Variants in SHANK2 observed in about 807,000 individuals in gnomAD.
The protein encoded by SHANK2 is SH3 and multiple ankyrin repeat domains 2.
In SHANK2, 43 loss-of-function variants were observed where a neutral mutation model predicts 133.7. The observed-to-expected ratio is 0.32, with a 90% CI of 0.25 to 0.41. SHANK2 has a LOEUF of 0.41. Among genes scored for constraint, SHANK2 ranks in the 10% least tolerant of loss-of-function variants. The pLI, the probability that SHANK2 is intolerant of heterozygous loss-of-function variation, is 1.00. For missense variants in SHANK2, 1,994 were observed against 2,235.8 expected (o/e 0.89, Z 2.18); for synonymous variants, 1,017 against 952.8 (o/e 1.07, Z -1.24).
At chr11:70,477,990 C>T (rs2058685509) in intron 25 of SHANK2, among the ~76,000 whole-genome samples, 1 of 152,120 alleles carries the variant, frequency 6.6e-6, no homozygotes, top group Admixed American at 6.6e-5. Flanking sequence ...CACCCAACTC[C>T]CCACCAGGTC....
intron 2 of SHANK2, among the ~76,000 whole-genome samples, chr11:71,220,851 G>A (rs886831976): frequency 3.8e-4 from 58 of 152,238 alleles, no homozygotes; most frequent in African/African-American, 1.3e-3. Context: ...GGTTGGTGGC[G>A]ATGGTTGCAC....
chr11:70,779,841 TC>T (rs1167128856), intron 14 of SHANK2, among the ~76,000 whole-genome samples: 1 of 152,136 alleles, frequency 6.6e-6, no homozygotes, highest in Admixed American at 6.5e-5. Flanking sequence ...CAAGCCATCT[TC>T]CCTACACCCC....
At chr11:70,538,712 G>A (rs563226791) in intron 17 of SHANK2, among the ~76,000 whole-genome samples, 11 of 152,320 alleles carry the variant, frequency 7.2e-5, no homozygotes, top group African/African-American at 2.6e-4. Flanking sequence ...TCCAGGGGGA[G>A]ATAAGATCCA....
intron 17 of SHANK2, among the ~76,000 whole-genome samples, chr11:70,622,278 G>A (rs1385659287): frequency 1.3e-5 from 2 of 152,080 alleles, no homozygotes; most frequent in African/African-American, 2.4e-5. Context: ...ACAGCTGCCC[G>A]GCAGTGTATG....
rs924169233 is a variant in SHANK2 at position 71,079,976 on chromosome 11, C to T, written c.913-4701G>A. 5.1e-4 allele frequency among the ~76,000 whole-genome samples: 77 copies of T among 150,144 alleles called. 4 individuals carry two copies. The South Asian group carries it at 0.015, about 29-fold the overall frequency. Reference sequence around the variant, plus strand: ...AGGAGGGAAAGAAGGAAAGAAAGAACGAACTCGCTTGACACAAAGATACTG... The same window carrying T: ...AGGAGGGAAAGAAGGAAAGAAAGAATGAACTCGCTTGACACAAAGATACTG... On this transcript the variant is annotated intron_variant, in intron 8 of 25. Coordinates refer to ENST00000601538, the MANE Select transcript of SHANK2 (RefSeq NM_012309.5).
chr11:70,495,685 GT>G (rs2058959607), intron 21 of SHANK2, among the ~76,000 whole-genome samples: 1 of 152,232 alleles, frequency 6.6e-6, no homozygotes, highest in Non-Finnish European at 1.5e-5. Context: ...TCTGACCCCA[GT>G]GGAGCGTGAG....
chr11:71,130,637 G>A (rs782137697), intron 3 of SHANK2, among the ~76,000 whole-genome samples: 4 of 152,140 alleles, frequency 2.6e-5, no homozygotes, highest in Non-Finnish European at 2.9e-5. Context: ...TTACACAGAT[G>A]GATTCAGGGA....
chr11:70,644,738 T>C (rs1304602099), intron 17 of SHANK2, among the ~76,000 whole-genome samples: 1 of 152,204 alleles, frequency 6.6e-6, no homozygotes, highest in African/African-American at 2.4e-5. Context: ...AACCCCACAG[T>C]GTCACTGAGT....
intron 11 of SHANK2, among the ~76,000 whole-genome samples, chr11:70,896,007 C>G (rs782650330): frequency 1.3e-5 from 2 of 152,008 alleles, no homozygotes; most frequent in African/African-American, 2.4e-5. Flanking sequence ...CAGTGTCACT[C>G]GAAGTCCATA....
intron 11 of SHANK2, among the ~76,000 whole-genome samples, chr11:70,889,550 G>A (rs1425455269): frequency 2.6e-5 from 4 of 152,234 alleles, no homozygotes; most frequent in Non-Finnish European, 2.9e-5. Context: ...CAAAGGAGGA[G>A]CTGGTGCTGG....
intron 17 of SHANK2, chr11:70,633,402 C>T (rs1034338400): frequency 6.6e-6 from 1 of 151,960 alleles, no homozygotes; most frequent in Non-Finnish European, 1.5e-5. Context: ...CCTACTTCAT[C>T]CCTCAACAAC....
chr11:70,548,087 G>A (rs1472545598), intron 17 of SHANK2, among the ~76,000 whole-genome samples: 9 of 152,250 alleles, frequency 5.9e-5, no homozygotes, highest in Non-Finnish European at 1.2e-4. Context: ...GTACTGGACA[G>A]ATGTGGGAGC....
intron 17 of SHANK2, among the ~76,000 whole-genome samples, chr11:70,603,019 T>C (rs943243135): frequency 6.6e-6 from 1 of 152,136 alleles, no homozygotes; most frequent in African/African-American, 2.4e-5. Context: ...AGGTGGCAAA[T>C]GTCCATTTAC....
intron 11 of SHANK2, among the ~76,000 whole-genome samples, chr11:70,823,599 C>A (rs147929410): frequency 0.13 from 5,388 of 39,912 alleles, 231 homozygotes; most frequent in Admixed American, 0.27. Context: ...GCGTTGGCAG[C>A]GTTCACGGGG....
chr11:71,119,492 A>G (rs1555101086), intron 3 of SHANK2, among the ~76,000 whole-genome samples: 1 of 151,368 alleles, frequency 6.6e-6, no homozygotes, highest in African/African-American at 2.4e-5. Flanking sequence ...AGGCAGGAGA[A>G]TCGCTTGAAT....
At chr11:70,499,131 A>G (rs573013511) in intron 21 of SHANK2, among the ~76,000 whole-genome samples, 12 of 152,312 alleles carry the variant, frequency 7.9e-5, no homozygotes, top group Admixed American at 2.0e-4. Context: ...TGCATCCACT[A>G]TGTGCCCCGC....
At chr11:71,230,069 C>T (rs1002671140) in intron 1 of SHANK2, among the ~76,000 whole-genome samples, 18 of 152,176 alleles carry the variant, frequency 1.2e-4, no homozygotes, top group African/African-American at 4.3e-4. Context: ...AGATGGATCA[C>T]TTGAGGTTAG....
chr11:70,893,107 G>T (rs1022942914), intron 11 of SHANK2, among the ~76,000 whole-genome samples: 1 of 152,226 alleles, frequency 6.6e-6, no homozygotes, highest in Non-Finnish European at 1.5e-5. Flanking sequence ...GACCACAACT[G>T]CATCTGGACG....
intron 22 of SHANK2, among the ~76,000 whole-genome samples, 191 bp from the exon 23 acceptor site, chr11:70,490,578 C>G (rs1466823264): frequency 2.6e-5 from 4 of 152,246 alleles, no homozygotes; most frequent in African/African-American, 9.6e-5. Flanking sequence ...TCTCTAGGTG[C>G]CTTTCCTATT....
Sources: gnomAD v4.1 joint callset for allele counts (sites outside exome capture counted in the v4.1 genomes callset) on GRCh38, gnomAD v4.1.1 for gene constraint, MANE v1.5 for transcripts, NCBI Gene and HGNC (gene_info 2026-07-23, HGNC 2026-07-21) for gene names.